The following RBPJ variants were observed in gnomAD, a reference collection of about 807,000 sequenced individuals.
RBPJ encodes the protein recombination signal binding protein for immunoglobulin kappa J region.
RBPJ carries 9 observed loss-of-function variants against 67.8 expected under a neutral mutation model. That is an observed-to-expected ratio of 0.13 (90% CI 0.08 to 0.23). The LOEUF (loss-of-function observed/expected upper bound fraction) is 0.23, where lower values mean the gene tolerates loss of function less well. Among genes scored for constraint, RBPJ ranks in the 10% least tolerant of loss-of-function variants. The pLI, the probability that RBPJ is intolerant of heterozygous loss-of-function variation, is 1.00. For missense variants in RBPJ, 305 were observed against 595.6 expected, an observed-to-expected ratio of 0.51 and a Z score of 5.08; for synonymous variants, 198 against 203.3, an observed-to-expected ratio of 0.97 and a Z score of 0.22.
chr4:26,259,507 G>A (rs1720458467), intron 1 of RBPJ, among the ~76,000 whole-genome samples: 5 of 152,154 alleles, frequency 3.3e-5, no homozygotes, highest in Admixed American at 2.0e-4. Flanking sequence ...GGATTGTACT[G>A]GGAAAGCCAT....
chr4:26,386,539 C>T (rs1339881259), intron 2 of RBPJ, 148 bp downstream of exon 2: 2 of 553,130 alleles, frequency 3.6e-6, no homozygotes, highest in Non-Finnish European at 6.3e-6. Flanking sequence ...TCCTTTCCCT[C>T]ATCTCTCCTC....
intron 1 of RBPJ, among the ~76,000 whole-genome samples, chr4:26,177,067 C>G (rs1282198543): frequency 6.6e-6 from 1 of 152,186 alleles, no homozygotes; most frequent in Non-Finnish European, 1.5e-5. Flanking sequence ...AGTTTACACA[C>G]AGGAATCTGG....
At chr4:26,153,370 A>G in the RBPJ span, among the ~76,000 whole-genome samples, 1 of 152,254 alleles carries the variant, frequency 6.6e-6, no homozygotes, top group African/African-American at 2.4e-5. Context: ...TAGCATGCCC[A>G]GAATACCTGC....
At chr4:26,380,836 TATTTC>T (rs1011284067) in intron 1 of RBPJ, among the ~76,000 whole-genome samples, 9 of 152,020 alleles carry the variant, frequency 5.9e-5, no homozygotes, top group Non-Finnish European at 8.8e-5. Context: ...CCCATTATTT[TATTTC>T]ATTTTCTGTG....
At chr4:26,340,907 G>T (rs1276382427) in intron 1 of RBPJ, among the ~76,000 whole-genome samples, 1 of 151,426 alleles carries the variant, frequency 6.6e-6, no homozygotes, top group African/African-American at 2.4e-5. Context: ...GCATGTGAAA[G>T]CCTTGAAATA....
chr4:26,207,312 A>T (rs1459800643), intron 1 of RBPJ, among the ~76,000 whole-genome samples: 3 of 151,238 alleles, frequency 2.0e-5, no homozygotes, highest in African/African-American at 7.3e-5. Flanking sequence ...ATGAGATGTC[A>T]AGTTGGACAG....
Position 26,430,863 on chromosome 4 carries a change from T to C in RBPJ, c.1320T>C (p.His440=), listed in dbSNP as rs373447648. ...CACCAGAACCAGGGCCGCGGCCACA[T>C]TGCAGTGCAGCAGGAGCAATCCTTC... ...TYTPEPGPRP[H]CSAAGAILRA... Residue 440 remains histidine (H), a synonymous_variant, in exon 11 of 11, where the codon CAT becomes CAC. Coordinates refer to ENST00000355476, the MANE Select transcript of RBPJ (RefSeq NM_015874.6). The surrounding 1 kb of genome is among the most constrained non-coding windows in gnomAD (Gnocchi z 4.1). 35 of 1,613,916 alleles carry C rather than the reference T, an allele frequency of 2.2e-5. No homozygotes were observed. The highest frequency in any genetic ancestry group is 2.9e-5 in the Non-Finnish European group (34 of 1,180,004).
At chr4:26,108,454 A>G in the RBPJ span, among the ~76,000 whole-genome samples, 3 of 152,212 alleles carry the variant, frequency 2.0e-5, no homozygotes, top group East Asian at 5.8e-4. Flanking sequence ...ATACTGAGAA[A>G]AATGACAGAA....
At chr4:26,197,041 C>T (rs926604934) in intron 1 of RBPJ, among the ~76,000 whole-genome samples, 1 of 152,150 alleles carries the variant, frequency 6.6e-6, no homozygotes, top group African/African-American at 2.4e-5. Flanking sequence ...CTCTCGCTCA[C>T]TCTCTCTCTT....
chr4:26,340,802 T>G (rs1454421312), intron 1 of RBPJ, among the ~76,000 whole-genome samples: 1 of 148,908 alleles, frequency 6.7e-6, no homozygotes, highest in African/African-American at 2.5e-5. Flanking sequence ...GAGGTTGCAG[T>G]GAGCTGAGAT....
At chr4:26,212,102 T>A (rs578168795) in intron 1 of RBPJ, among the ~76,000 whole-genome samples, 1 of 152,244 alleles carries the variant, frequency 6.6e-6, no homozygotes, top group East Asian at 1.9e-4. Flanking sequence ...TCACCCAGTT[T>A]GTGGCACTTT....
the RBPJ span, among the ~76,000 whole-genome samples, chr4:26,135,743 C>G: frequency 6.6e-6 from 1 of 152,268 alleles, no homozygotes; most frequent in Admixed American, 6.5e-5. Flanking sequence ...GACCATCACG[C>G]GCTGAACTTC....
chr4:26,279,785 CTTTTTTTTTT>C (rs1026614295), intron 1 of RBPJ, among the ~76,000 whole-genome samples: 53 of 116,662 alleles, frequency 4.5e-4, no homozygotes, highest in Non-Finnish European at 8.3e-4. Context: ...TTGAAATTGT[CTTTTTTTTTT>C]TTTTTTTTTT....
the RBPJ span, among the ~76,000 whole-genome samples, chr4:26,155,778 T>C: frequency 6.6e-4 from 101 of 152,224 alleles, no homozygotes; most frequent in African/African-American, 2.1e-3. Context: ...CCTTCCATAG[T>C]GGAAGGTTGA....
chr4:26,332,997 T>C (rs570719099), intron 1 of RBPJ, among the ~76,000 whole-genome samples: 40 of 152,206 alleles, frequency 2.6e-4, no homozygotes, highest in Non-Finnish European at 5.6e-4. Context: ...TATAGTCTTA[T>C]ACCAGGAAAT....
chr4:26,355,532 C>T (rs1185712269), intron 1 of RBPJ, among the ~76,000 whole-genome samples: 5 of 151,374 alleles, frequency 3.3e-5, no homozygotes, highest in Admixed American at 2.6e-4. Flanking sequence ...GTCTGTAGTC[C>T]CAGCCACACA....
chr4:26,377,150 G>A (rs1468796629), intron 1 of RBPJ, among the ~76,000 whole-genome samples: 2 of 152,232 alleles, frequency 1.3e-5, no homozygotes, highest in Admixed American at 6.5e-5. Flanking sequence ...GAGTAGTAGT[G>A]GGCTTACTCA....
At chr4:26,105,702 C>T in the RBPJ span, among the ~76,000 whole-genome samples, 2 of 152,054 alleles carry the variant, frequency 1.3e-5, no homozygotes, top group African/African-American at 2.4e-5. Context: ...AAAACAAGAA[C>T]AAAAACATGA....
At chr4:26,140,794 A>T in the RBPJ span, among the ~76,000 whole-genome samples, 8 of 150,950 alleles carry the variant, frequency 5.3e-5, no homozygotes, top group Non-Finnish European at 8.8e-5. Flanking sequence ...CACAGGGAGA[A>T]GTGGATGCCC....
Sources: allele counts gnomAD v4.1 joint callset (sites outside exome capture counted in the v4.1 genomes callset), GRCh38; gene constraint gnomAD v4.1.1; non-coding constraint Gnocchi (gnomAD v3.1); transcripts MANE v1.5; gene names NCBI Gene and HGNC (gene_info 2026-07-23, HGNC 2026-07-21).